KDM4C: variants seen among roughly 807,000 people sequenced by gnomAD.
KDM4C encodes lysine-specific demethylase 4C.
Under a neutral mutation model 129.3 loss-of-function variants are expected in KDM4C, and 81 were observed. The observed-to-expected ratio is 0.63, with a 90% CI of 0.52 to 0.75. The LOEUF is 0.75. Ranked by LOEUF, KDM4C falls within the 30% of genes least tolerant of loss-of-function variation. The pLI, the probability that KDM4C is intolerant of heterozygous loss-of-function variation, is 0.00. For missense variants in KDM4C, 1,457 were observed against 1,304.0 expected, an observed-to-expected ratio of 1.12 and a Z score of -1.81; for synonymous variants, 573 against 456.1, an observed-to-expected ratio of 1.26 and a Z score of -3.26.
At chr9:6,899,148 C>T (rs1036445181) in intron 8 of KDM4C, among the ~76,000 whole-genome samples, 4 of 151,330 alleles carry the variant, frequency 2.6e-5, no homozygotes, top group Non-Finnish European at 4.4e-5. Context: ...AGTTTTGCTG[C>T]GCTCTTTTAT....
intron 8 of KDM4C, among the ~76,000 whole-genome samples, chr9:6,895,554 G>A (rs140799146): frequency 6.6e-6 from 1 of 152,246 alleles, no homozygotes; most frequent in Non-Finnish European, 1.5e-5. Flanking sequence ...GGGTGCAGGA[G>A]GGGAAGCATC....
At chr9:6,828,658 G>T (rs1018017539) in intron 4 of KDM4C, among the ~76,000 whole-genome samples, 5 of 152,092 alleles carry the variant, frequency 3.3e-5, no homozygotes, top group Non-Finnish European at 7.4e-5. Flanking sequence ...ATCACCTGAG[G>T]TTGGGAGTTC....
intron 17 of KDM4C, among the ~76,000 whole-genome samples, chr9:7,051,349 G>T (rs1204113250): frequency 1.3e-5 from 2 of 152,162 alleles, no homozygotes; most frequent in Non-Finnish European, 2.9e-5. Flanking sequence ...TGAGTCCACT[G>T]CAGTCCAGTG....
intron 17 of KDM4C, among the ~76,000 whole-genome samples, chr9:7,052,288 T>C (rs1370847450): frequency 6.6e-6 from 1 of 152,238 alleles, no homozygotes; most frequent in Non-Finnish European, 1.5e-5. Context: ...CTTATGGAAA[T>C]TGAACAACCA....
chr9:7,082,180 C>T lies in KDM4C; in HGVS notation c.2425-21505C>T, dbSNP rs73407433. Among the ~76,000 whole-genome samples the T allele has an allele frequency of 5.7e-3, 870 of 152,174 alleles. 9 individuals are homozygous for T. Among genetic ancestry groups the T allele is most frequent in the African/African-American group, 0.019 (809 of 41,516 alleles). ...CTCACATGGGGCCTGAGTTTATACT[C>T]AGGAAAGGCTTAAATTATGAATGAA... On this transcript the variant is annotated intron_variant, in intron 17 of 21. Transcript: ENST00000381309.
At chr9:6,731,607 C>T (rs867979184) in intron 1 of KDM4C, among the ~76,000 whole-genome samples, 1 of 152,138 alleles carries the variant, frequency 6.6e-6, no homozygotes, top group East Asian at 1.9e-4. Context: ...GCTGGGATTA[C>T]AGGCATGAGC....
At chr9:6,845,098 G>T (rs1216682584) in intron 4 of KDM4C, among the ~76,000 whole-genome samples, 1 of 152,212 alleles carries the variant, frequency 6.6e-6, no homozygotes, top group African/African-American at 2.4e-5. Flanking sequence ...ATTTCTCAAG[G>T]TTTCTAACAT....
chr9:6,811,090 A>G (rs986832813), intron 3 of KDM4C, among the ~76,000 whole-genome samples: 4 of 152,190 alleles, frequency 2.6e-5, no homozygotes, highest in African/African-American at 9.7e-5. Context: ...TGCCAGGATC[A>G]CCTGGTTGTG....
intron 17 of KDM4C, among the ~76,000 whole-genome samples, chr9:7,057,911 A>G (rs938403651): frequency 6.6e-6 from 1 of 152,216 alleles, no homozygotes; most frequent in Non-Finnish European, 1.5e-5. Flanking sequence ...GAGCACGGAC[A>G]TCGCATGTTG....
intron 19 of KDM4C, among the ~76,000 whole-genome samples, chr9:7,133,839 C>T (rs1053560936): frequency 1.3e-5 from 2 of 152,188 alleles, no homozygotes; most frequent in African/African-American, 4.8e-5. Context: ...GAAACTAGAA[C>T]AGAGTTGTTC....
At chr9:6,991,297 T>C (rs1818698131) in intron 12 of KDM4C, among the ~76,000 whole-genome samples, 1 of 152,138 alleles carries the variant, frequency 6.6e-6, no homozygotes, top group African/African-American at 2.4e-5. Context: ...TTGCCCAGGC[T>C]AGTCTTGAAC....
At chr9:7,029,567 A>C (rs953257188) in intron 15 of KDM4C, among the ~76,000 whole-genome samples, 16 of 151,844 alleles carry the variant, frequency 1.1e-4, no homozygotes, top group Non-Finnish European at 2.1e-4. Context: ...TAAAATTCTA[A>C]AGAGTAAATA....
At chr9:6,793,410 T>TA (rs1430405800) in intron 2 of KDM4C, among the ~76,000 whole-genome samples, 4 of 151,942 alleles carry the variant, frequency 2.6e-5, no homozygotes, top group Non-Finnish European at 5.9e-5. Flanking sequence ...CATGTATGGG[T>TA]TTCAGAGGTG....
chr9:6,837,107 G>A (rs1181803732), intron 4 of KDM4C, among the ~76,000 whole-genome samples: 4 of 152,136 alleles, frequency 2.6e-5, no homozygotes, highest in African/African-American at 7.2e-5. Flanking sequence ...AACCAGGCTG[G>A]AGTGCAGTGG....
chr9:6,720,906 T>G (rs1272820511), exon 1 of KDM4C: 2 of 1,530,322 alleles, frequency 1.3e-6, no homozygotes, highest in Non-Finnish European at 8.9e-7. Context: ...GTTGAATAGT[T>G]GGAGTGTTCT....
intron 1 of KDM4C, among the ~76,000 whole-genome samples, chr9:6,733,263 C>T (rs1817410667): frequency 6.6e-6 from 1 of 152,214 alleles, no homozygotes; most frequent in Non-Finnish European, 1.5e-5. Context: ...GCTGTGAAAA[C>T]ATCATGGATG....
intron 8 of KDM4C, among the ~76,000 whole-genome samples, chr9:6,967,736 A>G (rs1046800137): frequency 2.0e-5 from 3 of 152,254 alleles, no homozygotes; most frequent in South Asian, 4.1e-4. Flanking sequence ...CCAGAGCCCT[A>G]TTATCCTCGA....
At chr9:7,006,507 G>C (rs914028519) in intron 12 of KDM4C, among the ~76,000 whole-genome samples, 1 of 152,038 alleles carries the variant, frequency 6.6e-6, no homozygotes, top group Non-Finnish European at 1.5e-5. Context: ...TGATTTGAAT[G>C]GCAAGCAGGG....
At chr9:7,074,576 A>C (rs565769323) in intron 17 of KDM4C, among the ~76,000 whole-genome samples, 1 of 152,310 alleles carries the variant, frequency 6.6e-6, no homozygotes, top group South Asian at 2.1e-4. Context: ...TTCAGCTTAT[A>C]AGTAAGTTTT....
Sources: allele counts gnomAD v4.1 joint callset (sites outside exome capture counted in the v4.1 genomes callset), GRCh38; gene constraint gnomAD v4.1.1; transcripts MANE v1.5; gene names NCBI Gene and HGNC (gene_info 2026-07-23, HGNC 2026-07-21).